RAPGEF1: variants seen among roughly 807,000 people sequenced by gnomAD.
The protein encoded by RAPGEF1 is Rap guanine nucleotide exchange factor 1.
In RAPGEF1, 33 loss-of-function variants were observed where a neutral mutation model predicts 143.3. The ratio of observed to expected loss-of-function variants is 0.23; its 90% confidence interval spans 0.17 to 0.31. RAPGEF1 has a LOEUF of 0.31. RAPGEF1 is among the 10% of genes least tolerant of loss of function. RAPGEF1 has a pLI of 1.00. For synonymous variants in RAPGEF1, 629 were observed against 676.5 expected (o/e 0.93, Z 1.09); for missense variants, 1,199 against 1,645.4 (o/e 0.73, Z 4.69).
chr9:131,592,035 G>C (rs1370614680), intron 18 of RAPGEF1, 64 bp downstream of exon 18: 4 of 1,306,448 alleles, frequency 3.1e-6, no homozygotes, highest in Non-Finnish European at 4.4e-6. Flanking sequence ...TGAAGGGCAA[G>C]AGGGTCCCTC....
Position 131,584,560 on chromosome 9 carries a change from C to T in RAPGEF1, c.3270G>A (p.Gln1090=), listed in dbSNP as rs750051868. ...ACTTCAAGAGCAGCCGTTCCCTGTC[C>T]TGGGCCTTTTCCTGTAACATGATTA... ...RSIIMLQEKA[Q]DRERLLLKFI... The change falls in exon 23 of 27, where the codon CAG becomes CAA. Residue 1090 remains glutamine, a synonymous_variant. Coordinates refer to ENST00000683357, the MANE Select transcript of RAPGEF1 (RefSeq NM_001377935.1). This position sits in a 1 kb window ranked among gnomAD's most constrained non-coding sequence, Gnocchi z 6.8. 4 of 1,613,998 alleles carry T rather than the reference C, an allele frequency of 2.5e-6. No individual in the cohort carries two copies. Among genetic ancestry groups the T allele is most frequent in the South Asian group, 1.1e-5 (1 of 91,086 alleles).
chr9:131,670,813 C>T (rs149199944), intron 1 of RAPGEF1, among the ~76,000 whole-genome samples: 1 of 152,296 alleles, frequency 6.6e-6, no homozygotes, highest in Non-Finnish European at 1.5e-5. Flanking sequence ...TCAGTGATGC[C>T]TGGAATTGCC....
intron 3 of RAPGEF1, among the ~76,000 whole-genome samples, 183 bp downstream of exon 3, chr9:131,649,945 CT>C (rs1970666694): frequency 6.6e-6 from 1 of 152,196 alleles, no homozygotes. Context: ...ATCATGGGAC[CT>C]TGCATAAACT....
chr9:131,638,665 C>T lies in RAPGEF1; in HGVS notation c.621G>A (p.Gly207=). The change falls in exon 5 of 27, where the codon GGG becomes GGA. Residue 207 remains glycine (G), a synonymous_variant. Coordinates refer to ENST00000683357, the MANE Select transcript of RAPGEF1 (RefSeq NM_001377935.1). Reference sequence around the variant, plus strand: ...CTCCATCCAGCACAGCCTTGATGACCCCCTTCACAGTCGTCACCATCTCCT... The same window carrying T: ...CTCCATCCAGCACAGCCTTGATGACTCCCTTCACAGTCGTCACCATCTCCT... ...EDKEMVTTVK[G]VIKAVLDGVK... 1 of 1,614,016 alleles carries T rather than the reference C, an allele frequency of 6.2e-7. No homozygotes were observed. The highest frequency in any genetic ancestry group is 1.1e-5 in the South Asian group (1 of 91,078).
In RAPGEF1 at chr9:131,650,039, C is replaced by T; in HGVS notation, c.315+90G>A. On this transcript the variant is annotated intron_variant, in intron 3 of 26. Transcript: ENST00000683357. This position sits in a 1 kb window ranked among gnomAD's most constrained non-coding sequence, Gnocchi z 4.7. ...CACCCAGTTGAACATAATAATAGTG[C>T]AATAGAGTTTTTTCCATCCCCAAAA... 1 of 1,032,474 alleles carries T rather than the reference C, an allele frequency of 9.7e-7. No homozygotes were observed. Among genetic ancestry groups the T allele is most frequent in the Non-Finnish European group, 1.4e-6 (1 of 695,986 alleles). The allele number at this position is 1,032,474 out of a possible 1,614,324, so 64.0% of individuals were successfully genotyped here. A position where few individuals can be genotyped will look rare whatever the true frequency, so the allele number is the denominator to read the frequency against.
At chr9:131,670,593 T>C (rs1027234635) in intron 1 of RAPGEF1, among the ~76,000 whole-genome samples, 8 of 152,182 alleles carry the variant, frequency 5.3e-5, no homozygotes, top group South Asian at 2.1e-4. Context: ...GGCTGGTTCA[T>C]AGCAGACGCA....
At chr9:131,709,840 C>G (rs765891939) in intron 1 of RAPGEF1, 12 of 1,434,824 alleles carry the variant, frequency 8.4e-6, no homozygotes, top group Non-Finnish European at 1.0e-5. Flanking sequence ...CCTGAGGAAT[C>G]TCATTCTCAA....
intron 3 of RAPGEF1, among the ~76,000 whole-genome samples, chr9:131,644,781 T>A (rs1455659806): frequency 6.6e-6 from 1 of 152,076 alleles, no homozygotes; most frequent in Non-Finnish European, 1.5e-5. Flanking sequence ...CTGGGCAACA[T>A]AGTGACACAC....
At chr9:131,717,386 A>G (rs781719486) in intron 1 of RAPGEF1, among the ~76,000 whole-genome samples, 2 of 152,228 alleles carry the variant, frequency 1.3e-5, no homozygotes, top group Non-Finnish European at 2.9e-5. Flanking sequence ...AACAAAAATT[A>G]GTGAGCGTCA....
At chr9:131,691,318 G>A (rs534089418) in intron 1 of RAPGEF1, among the ~76,000 whole-genome samples, 8 of 151,962 alleles carry the variant, frequency 5.3e-5, no homozygotes, top group African/African-American at 1.7e-4. Context: ...TTCTCAGTTG[G>A]GCCCCCAGAA....
chr9:131,587,778 T>C lies in RAPGEF1; in HGVS notation c.3191A>G (p.Asn1064Ser). 1 of 1,613,840 alleles carries C rather than the reference T, an allele frequency of 6.2e-7. No individual in the cohort carries two copies. The highest frequency in any genetic ancestry group is 8.5e-7 in the Non-Finnish European group (1 of 1,179,850). ...AKEQNEEKSP[N>S]LTQFTEHFNN... ...GAAGTGCTCCGTGAACTGGGTCAAG[T>C]TGGGGCTCTTCTCCTCATTCTGCTC... Residue 1064 changes from asparagine to serine, a missense_variant, in exon 22 of 27, where the codon AAC becomes AGC. By Grantham distance (46) the Asn-to-Ser change is conservative. Transcript: ENST00000683357.
intron 1 of RAPGEF1, among the ~76,000 whole-genome samples, chr9:131,654,782 T>C (rs577988016): frequency 2.0e-4 from 31 of 152,316 alleles, no homozygotes; most frequent in African/African-American, 7.0e-4. Context: ...AGTTGGCCCA[T>C]AGAAGATAAT....
chr9:131,737,192 C>T (rs1229167953), intron 1 of RAPGEF1, among the ~76,000 whole-genome samples: 1 of 152,224 alleles, frequency 6.6e-6, no homozygotes, highest in Non-Finnish European at 1.5e-5. Context: ...TGACCCTGGT[C>T]TTGCCAATCT....
At chr9:131,599,813 A>C (rs1955969991) in intron 15 of RAPGEF1, among the ~76,000 whole-genome samples, 1 of 152,046 alleles carries the variant, frequency 6.6e-6, no homozygotes, top group South Asian at 2.1e-4. Context: ...CAGGTATCTG[A>C]GATGTAAAAA....
At chr9:131,705,144 C>T (rs1427410357) in intron 1 of RAPGEF1, among the ~76,000 whole-genome samples, 1 of 152,198 alleles carries the variant, frequency 6.6e-6, no homozygotes, top group Non-Finnish European at 1.5e-5. Context: ...CCTGCTGGCA[C>T]TGGTAACTAC....
At chr9:131,630,450 C>G in intron 5 of RAPGEF1, 126 bp from the exon 6 acceptor site, 1 of 866,062 alleles carries the variant, frequency 1.2e-6, no homozygotes, top group South Asian at 1.5e-5. Context: ...ATTCCCCACG[C>G]ACCATAAACG....
intron 12 of RAPGEF1, among the ~76,000 whole-genome samples, chr9:131,614,147 C>CA (rs992053056): frequency 3.9e-5 from 6 of 152,044 alleles, no homozygotes; most frequent in Admixed American, 1.3e-4. Flanking sequence ...AACACCCCCC[C>CA]CCAAGGAGGG....
At chr9:131,591,837 A>G (rs953818247) in intron 18 of RAPGEF1, among the ~76,000 whole-genome samples, 1 of 152,190 alleles carries the variant, frequency 6.6e-6, no homozygotes, top group Non-Finnish European at 1.5e-5. Flanking sequence ...CACCAGACAC[A>G]CATTCCCAGA....
At chr9:131,695,033 T>C (rs996772166) in intron 1 of RAPGEF1, among the ~76,000 whole-genome samples, 4 of 147,966 alleles carry the variant, frequency 2.7e-5, no homozygotes, top group Non-Finnish European at 6.0e-5. Context: ...TTTCTTTACA[T>C]GCAACTCACT....
Sources: gnomAD v4.1 joint callset for allele counts (sites outside exome capture counted in the v4.1 genomes callset) on GRCh38, gnomAD v4.1.1 for gene constraint, Gnocchi (gnomAD v3.1) non-coding constraint, MANE v1.5 for transcripts, NCBI Gene and HGNC (gene_info 2026-07-23, HGNC 2026-07-21) for gene names.